Variants in PCDH15 observed in about 807,000 individuals in gnomAD.
PCDH15 encodes protocadherin-15.
A neutral mutation model predicts 178.5 loss-of-function variants in PCDH15; 129 were observed. The ratio of observed to expected loss-of-function variants is 0.72; its 90% CI spans 0.63 to 0.84. The LOEUF is 0.84. Ranked by LOEUF, PCDH15 falls within the 40% of genes least tolerant of loss-of-function variation. The probability of loss-of-function intolerance (pLI) is 0.00; values close to 1 mark genes in which losing one functional copy is unlikely to be tolerated. For missense variants in PCDH15, 2,230 were observed against 2,099.9 expected (o/e 1.06, Z -1.21); for synonymous variants, 800 against 732.0 (o/e 1.09, Z -1.50).
At chr10:53,812,257 G>A (rs576206130) in intron 35 of PCDH15, among the ~76,000 whole-genome samples, 1 of 152,186 alleles carries the variant, frequency 6.6e-6, no homozygotes, top group Non-Finnish European at 1.5e-5. Context: ...GCCCAGGCTG[G>A]AGTGCAGTGG....
chr10:54,173,780 T>G (rs936488471), intron 13 of PCDH15, among the ~76,000 whole-genome samples: 2 of 151,982 alleles, frequency 1.3e-5, no homozygotes, highest in Non-Finnish European at 2.9e-5. Flanking sequence ...TATAATTAAG[T>G]GAGAGAAACA....
chr10:53,827,465 ACTGGTGCAGGAGCCGGCACTG>A lies in PCDH15; in HGVS notation c.4274_4294del (p.Ala1425_Pro1431del), dbSNP rs1233701076. ...CGGCGGCGGCGGCGGGGGCGCTGCCACTGGTGCAGGAGCCGGCACTGCTGGTTTAGCCGCGGGTAATGCGGC... is the reference window on the plus strand; with the variant it reads ...CGGCGGCGGCGGCGGGGGCGCTGCCACTGGTTTAGCCGCGGGTAATGCGGC... On this transcript the variant is annotated inframe_deletion, in exon 32 of 38. Coordinates refer to ENST00000644397, the MANE Select transcript of PCDH15 (RefSeq NM_001384140.1). 1.2e-6 allele frequency: 2 copies of A among 1,613,844 alleles called. No homozygotes were observed. Among genetic ancestry groups the A allele is most frequent in the Non-Finnish European group, 1.7e-6 (2 of 1,179,786 alleles).
At chr10:54,480,482 A>G (rs2078638377) in intron 3 of PCDH15, among the ~76,000 whole-genome samples, 1 of 151,904 alleles carries the variant, frequency 6.6e-6, no homozygotes. Flanking sequence ...TAAATCAAAG[A>G]CTCTGAAAAA....
At chr10:54,183,952 T>G (rs1268855653) in intron 12 of PCDH15, among the ~76,000 whole-genome samples, 1 of 152,188 alleles carries the variant, frequency 6.6e-6, no homozygotes, top group East Asian at 1.9e-4. Flanking sequence ...TGCATTTACA[T>G]ATTTTGTATA....
At chr10:53,867,442 CCT>C (rs1322689319) in intron 26 of PCDH15, among the ~76,000 whole-genome samples, 1 of 151,962 alleles carries the variant, frequency 6.6e-6, no homozygotes, top group African/African-American at 2.4e-5. Context: ...TGCTAATTAC[CCT>C]GATTTGATTG....
chr10:55,066,956 G>T (rs1456891978), intron 2 of PCDH15, among the ~76,000 whole-genome samples: 1 of 151,778 alleles, frequency 6.6e-6, no homozygotes, highest in Non-Finnish European at 1.5e-5. Context: ...TCAAGCTGTT[G>T]TATACCCCAA....
intron 2 of PCDH15, among the ~76,000 whole-genome samples, chr10:55,335,137 G>A (rs556971649): frequency 1.3e-5 from 2 of 152,228 alleles, no homozygotes; most frequent in South Asian, 4.2e-4. Context: ...CAAGAATAAG[G>A]ACAAAACCCA....
upstream of PCDH15, among the ~76,000 whole-genome samples, chr10:55,319,893 C>T (rs754392370): frequency 6.6e-6 from 1 of 152,064 alleles, no homozygotes; most frequent in Non-Finnish European, 1.5e-5. Context: ...TTGCCTTGCT[C>T]CCACAGTAGA....
chr10:54,032,060 T>C (rs116676212), intron 18 of PCDH15, among the ~76,000 whole-genome samples: 219 of 152,040 alleles, frequency 1.4e-3, no homozygotes, highest in African/African-American at 5.1e-3. Flanking sequence ...TATTTAGTTT[T>C]CCAACCTCTT....
chr10:54,696,927 C>G (rs1215331776), intron 1 of PCDH15, among the ~76,000 whole-genome samples: 2 of 151,976 alleles, frequency 1.3e-5, no homozygotes, highest in African/African-American at 4.8e-5. Context: ...ATCAGGCTGT[C>G]ATCTTATAGG....
rs1163140447 is a variant in PCDH15, at chr10:54,493,758, A to C, written c.157+34054T>G. ...CTGGGTATATAGCAAAGGACTAGAA[A>C]TCATGCTGCTACAAAGACACATGCA... On this transcript the variant is annotated intron_variant, in intron 3 of 37. Transcript: ENST00000644397. 2.6e-5 allele frequency among the ~76,000 whole-genome samples: 4 copies of C among 152,296 alleles called. No individual in the cohort carries two copies. The East Asian group carries it at 7.7e-4, about 29-fold the overall frequency.
At position 54,413,734 on chromosome 10, in the gene PCDH15, T is replaced by C. The variant is rs144942456; in HGVS notation, c.158-34792A>G. Reference sequence around the variant, plus strand: ...AAAAAAATGAGAAATTATTCCATAGTCTATGTCTGTCTGTATACATTATTC... The same window carrying C: ...AAAAAAATGAGAAATTATTCCATAGCCTATGTCTGTCTGTATACATTATTC... On this transcript the variant is annotated intron_variant, in intron 3 of 37. Coordinates refer to ENST00000644397, the MANE Select transcript of PCDH15 (RefSeq NM_001384140.1). Among the ~76,000 whole-genome samples, 941 of 152,296 alleles carry C rather than the reference T, an allele frequency of 6.2e-3. 5 individuals carry two copies. The highest frequency in any genetic ancestry group is 0.016 in the African/African-American group (678 of 41,572).
At chr10:55,196,788 A>G (rs2132153302) in intron 1 of PCDH15, among the ~76,000 whole-genome samples, 1 of 152,028 alleles carries the variant, frequency 6.6e-6, no homozygotes, top group South Asian at 2.1e-4. Flanking sequence ...TCCAAAACAC[A>G]TTTTTTTCAG....
At chr10:54,774,180 C>T (rs1393147120) in intron 1 of PCDH15, among the ~76,000 whole-genome samples, 1 of 151,884 alleles carries the variant, frequency 6.6e-6, no homozygotes, top group East Asian at 1.9e-4. Context: ...AGGCGCCTGC[C>T]ACCACACCCA....
intron 2 of PCDH15, among the ~76,000 whole-genome samples, chr10:54,625,368 A>C (rs892919590): frequency 2.0e-5 from 3 of 152,188 alleles, no homozygotes; most frequent in African/African-American, 7.2e-5. Flanking sequence ...TCTGGGACCC[A>C]TAGCCAATGA....
At chr10:55,433,451 A>G (rs893071969) in intron 2 of PCDH15, among the ~76,000 whole-genome samples, 1 of 152,178 alleles carries the variant, frequency 6.6e-6, no homozygotes, top group African/African-American at 2.4e-5. Flanking sequence ...GAGAGCATCA[A>G]AAAACTACCT....
Position 54,974,096 on chromosome 10 carries a change from C to T in PCDH15, c.-79-76596G>A, listed in dbSNP as rs149737514. Among the ~76,000 whole-genome samples the T allele has an allele frequency of 6.6e-5, 10 of 151,010 alleles. No individual in the cohort carries two copies. In the East Asian group the frequency reaches 2.0e-3, roughly 29 times the overall value. On this transcript the variant is annotated intron_variant, in intron 2 of 5. Coordinates refer to the PCDH15 transcript ENST00000458638. ...ACACACACACACAGACACACACACA[C>T]ATACAGACACACACACACACATACA... is the stretch of plus-strand genomic sequence containing the variant.
At chr10:54,716,095 T>A (rs1341869262) in intron 1 of PCDH15, among the ~76,000 whole-genome samples, 1 of 152,126 alleles carries the variant, frequency 6.6e-6, no homozygotes, top group Non-Finnish European at 1.5e-5. Context: ...GGCTGCCCAC[T>A]GGGACCCTTT....
At chr10:54,977,187 A>G (rs1839093935) in intron 2 of PCDH15, among the ~76,000 whole-genome samples, 1 of 152,168 alleles carries the variant, frequency 6.6e-6, no homozygotes, top group South Asian at 2.1e-4. Context: ...CATCTTGCAT[A>G]GGGTCTGGGT....
Sources: gnomAD v4.1 joint callset for allele counts (sites outside exome capture counted in the v4.1 genomes callset) on GRCh38, gnomAD v4.1.1 for gene constraint, MANE v1.5 for transcripts, NCBI Gene and HGNC (gene_info 2026-07-23, HGNC 2026-07-21) for gene names.